The following ZNF536 variants were observed in gnomAD, a reference collection of about 807,000 sequenced individuals.
ZNF536 encodes zinc finger protein 536.
A neutral mutation model predicts 84.5 loss-of-function variants in ZNF536; 13 were observed. That is an observed-to-expected ratio of 0.15 (90% CI 0.10 to 0.24). The LOEUF (loss-of-function observed/expected upper bound fraction) is 0.24. ZNF536 is among the 10% of genes least tolerant of loss of function. The pLI, the probability that ZNF536 is intolerant of heterozygous loss-of-function variation, is 1.00. For missense variants in ZNF536, 1,536 were observed against 1,747.5 expected, an observed-to-expected ratio of 0.88 and a Z score of 2.16; for synonymous variants, 811 against 742.5, an observed-to-expected ratio of 1.09 and a Z score of -1.50.
intron 1 of ZNF536, among the ~76,000 whole-genome samples, chr19:30,610,433 T>TCTCCCCCTCTGGGTGGGGGA (rs1474886677): frequency 2.0e-5 from 3 of 151,908 alleles, no homozygotes; most frequent in African/African-American, 7.3e-5. Flanking sequence ...CTTGTGGGGG[T>TCTCCCCCTCTGGGTGGGGGA]CTCCCCCTCT....
intron 2 of ZNF536, among the ~76,000 whole-genome samples, chr19:30,464,794 C>T (rs1319745759): frequency 6.6e-6 from 1 of 151,926 alleles, no homozygotes; most frequent in Non-Finnish European, 1.5e-5. Flanking sequence ...AGGGAGAGGG[C>T]AAAGCGGGGT....
chr19:30,307,722 C>T (rs2046382103), intron 2 of ZNF536, among the ~76,000 whole-genome samples: 1 of 152,194 alleles, frequency 6.6e-6, no homozygotes, highest in South Asian at 2.1e-4. Context: ...TATTTCTCAG[C>T]CTGACCCACA....
chr19:30,701,177 G>C (rs913254320), intron 1 of ZNF536, among the ~76,000 whole-genome samples: 7 of 145,118 alleles, frequency 4.8e-5, no homozygotes, highest in Non-Finnish European at 9.0e-5. Flanking sequence ...TGGTGCATGT[G>C]CTATATCTCA....
At chr19:30,480,331 G>A (rs4804931) in intron 2 of ZNF536, among the ~76,000 whole-genome samples, 2 of 152,122 alleles carry the variant, frequency 1.3e-5, no homozygotes, top group African/African-American at 2.4e-5. Context: ...CTTCCCCAAC[G>A]TGATGTCATT....
At chr19:30,601,833 G>T (rs1233027794) in intron 1 of ZNF536, among the ~76,000 whole-genome samples, 1 of 152,222 alleles carries the variant, frequency 6.6e-6, no homozygotes, top group Non-Finnish European at 1.5e-5. Flanking sequence ...ATGCTGAAGG[G>T]TGTGGTGGCA....
intron 1 of ZNF536, among the ~76,000 whole-genome samples, chr19:30,615,990 T>C (rs2048281854): frequency 6.6e-6 from 1 of 152,226 alleles, no homozygotes; most frequent in Non-Finnish European, 1.5e-5. Flanking sequence ...GGTTATTGTC[T>C]GGGTTAACTT....
At position 30,235,267 on chromosome 19, in the gene ZNF536, G is replaced by A. The variant is rs57353354; in HGVS notation, c.-190+6594G>A. Among the ~76,000 whole-genome samples, 998 of 152,308 alleles carry A rather than the reference G, an allele frequency of 6.6e-3. 9 individuals are homozygous for A. Among genetic ancestry groups the A allele is most frequent in the African/African-American group, 0.023 (939 of 41,568 alleles). On this transcript the variant is annotated intron_variant, in intron 1 of 5. Coordinates refer to the ZNF536 transcript ENST00000585628. Reference sequence around the variant, plus strand: ...GCCCATGCCTGTGGCATGGCCGAGCGGGCATTGGAAGCCAGCTGCATTGGC... The same window carrying A: ...GCCCATGCCTGTGGCATGGCCGAGCAGGCATTGGAAGCCAGCTGCATTGGC...
chr19:30,641,859 T>C (rs1318465465), intron 1 of ZNF536, among the ~76,000 whole-genome samples: 1 of 152,148 alleles, frequency 6.6e-6, no homozygotes, highest in African/African-American at 2.4e-5. Flanking sequence ...AGGATGGCAG[T>C]AGAGTGGGGC....
rs185745917 is a variant in ZNF536 at position 30,407,273 on chromosome 19, A to G, written c.-3+34717A>G. Among the ~76,000 whole-genome samples, 15 of 152,318 alleles carry G rather than the reference A, an allele frequency of 9.8e-5. No individual in the cohort carries two copies. The East Asian group carries it at 2.7e-3, about 27-fold the overall frequency. On this transcript the variant is annotated intron_variant, in intron 1 of 4. Coordinates refer to ENST00000355537, the MANE Select transcript of ZNF536 (RefSeq NM_014717.3). Reference sequence around the variant, plus strand: ...TGACGTTTTGCTAGTTTTTCTAAACATTACATAATGAGCTGATTTCAAAAT... The same window carrying G: ...TGACGTTTTGCTAGTTTTTCTAAACGTTACATAATGAGCTGATTTCAAAAT...
chr19:30,431,275 G>T (rs2051448608), intron 1 of ZNF536, among the ~76,000 whole-genome samples: 1 of 152,124 alleles, frequency 6.6e-6, no homozygotes, highest in Non-Finnish European at 1.5e-5. Context: ...GGCCAGTCTG[G>T]TGACCTGTGC....
chr19:30,471,605 T>A (rs1444420481), intron 2 of ZNF536, among the ~76,000 whole-genome samples: 3 of 152,136 alleles, frequency 2.0e-5, no homozygotes, highest in Non-Finnish European at 2.9e-5. Flanking sequence ...CCTGGACAGT[T>A]GGAAGGGGCA....
chr19:30,681,121 CA>C (rs2050952560), intron 1 of ZNF536, among the ~76,000 whole-genome samples: 1 of 152,166 alleles, frequency 6.6e-6, no homozygotes, highest in South Asian at 2.1e-4. Context: ...TTCCGAACCC[CA>C]GGGGCAACCA....
chr19:30,546,979 TG>T, intron 3 of ZNF536, among the ~76,000 whole-genome samples: 1 of 152,314 alleles, frequency 6.6e-6, no homozygotes, highest in African/African-American at 2.4e-5. Flanking sequence ...CAATAGAAGT[TG>T]GGGGTGTTGA....
intron 1 of ZNF536, among the ~76,000 whole-genome samples, chr19:30,575,711 AGG>A (rs1358723261): frequency 2.0e-5 from 3 of 152,224 alleles, no homozygotes; most frequent in Non-Finnish European, 4.4e-5. Flanking sequence ...ACCAGGAGTT[AGG>A]GAGTGCCGGG....
At position 30,679,989 on chromosome 19, in the gene ZNF536, G is replaced by C. The variant is rs368694218; in HGVS notation, c.170-30768G>C. On this transcript the variant is annotated intron_variant, in intron 1 of 1. Transcript: ENST00000592773. Reference sequence around the variant, plus strand: ...CCCAGGGCCTCTGTCTCCACTGTACGCCCTGGGAAAAACCCAGGCCAGGGG... The same window carrying C: ...CCCAGGGCCTCTGTCTCCACTGTACCCCCTGGGAAAAACCCAGGCCAGGGG... Among the ~76,000 whole-genome samples the C allele has an allele frequency of 2.6e-3, 393 of 151,980 alleles. 2 individuals carry two copies. The highest frequency in any genetic ancestry group is 9.1e-3 in the African/African-American group (378 of 41,500).
At chr19:30,388,238 C>T (rs532337619) in intron 1 of ZNF536, among the ~76,000 whole-genome samples, 1 of 152,322 alleles carries the variant, frequency 6.6e-6, no homozygotes, top group East Asian at 1.9e-4. Flanking sequence ...TCGCCTTGGC[C>T]TGGGACCTCG....
At chr19:30,498,536 T>C (rs2054814745) in intron 2 of ZNF536, among the ~76,000 whole-genome samples, 1 of 152,060 alleles carries the variant, frequency 6.6e-6, no homozygotes, top group Non-Finnish European at 1.5e-5. Context: ...CAAACCACCA[T>C]GGCACATGTT....
At chr19:30,494,321 G>A (rs1198252173) in intron 2 of ZNF536, among the ~76,000 whole-genome samples, 1 of 152,198 alleles carries the variant, frequency 6.6e-6, no homozygotes, top group South Asian at 2.1e-4. Flanking sequence ...TGCACTACGG[G>A]AACAGCTATT....
chr19:30,587,001 A>T (rs1462402572), intron 1 of ZNF536, among the ~76,000 whole-genome samples: 1 of 152,144 alleles, frequency 6.6e-6, no homozygotes, highest in African/African-American at 2.4e-5. Flanking sequence ...TCTATAAGGG[A>T]CTCTCTAAGA....
Sources: allele counts gnomAD v4.1 joint callset (sites outside exome capture counted in the v4.1 genomes callset), GRCh38; gene constraint gnomAD v4.1.1; transcripts MANE v1.5; gene names NCBI Gene and HGNC (gene_info 2026-07-23, HGNC 2026-07-21).